The following PELI1 variants were observed in gnomAD, a reference collection of about 807,000 sequenced individuals.
The protein encoded by PELI1 is pellino E3 ubiquitin protein ligase 1.
Under a neutral mutation model 41.3 loss-of-function variants are expected in PELI1, and 15 were observed. The ratio of observed to expected loss-of-function variants is 0.36; its 90% CI spans 0.24 to 0.56. PELI1 has a LOEUF of 0.56. Ranked by LOEUF, PELI1 falls within the 20% of genes least tolerant of loss-of-function variation. The pLI is 0.82. For missense variants in PELI1, 403 were observed against 525.5 expected (o/e 0.77, Z 2.28); for synonymous variants, 178 against 180.1 (o/e 0.99, Z 0.09).
At chr2:64,119,878 CT>C (rs1681148104) in intron 1 of PELI1, among the ~76,000 whole-genome samples, 1 of 152,110 alleles carries the variant, frequency 6.6e-6, no homozygotes, top group East Asian at 1.9e-4. Context: ...AGTACTCAAT[CT>C]GTTAAGCAAC....
intron 1 of PELI1, among the ~76,000 whole-genome samples, chr2:64,137,839 G>A (rs553567040): frequency 5.9e-5 from 9 of 152,032 alleles, no homozygotes; most frequent in African/African-American, 1.7e-4. Context: ...CTATTTTCAC[G>A]TGTGGCTCTT....
Position 64,144,172 on chromosome 2 carries a change from G to C in PELI1, c.-161C>G, listed in dbSNP as rs1422577713. ...TGTGCGCGGGGAGCGCGAGCAGACA[G>C]CCCGCCGTTCCGCCGCTGCCCTCCG... is the stretch of plus-strand genomic sequence containing the variant. On this transcript the variant is annotated 5_prime_UTR_variant, in exon 1 of 7. Transcript: ENST00000358912. 1.3e-5 allele frequency: 2 copies of C among 152,192 alleles called. No homozygotes were observed. The highest frequency in any genetic ancestry group is 2.9e-5 in the Non-Finnish European group (2 of 68,066). 9.4% of individuals were successfully genotyped at this position (152,192 alleles called of 1,614,324 possible).
chr2:64,136,741 A>G (rs1681728678), intron 1 of PELI1, among the ~76,000 whole-genome samples: 1 of 152,160 alleles, frequency 6.6e-6, no homozygotes, highest in South Asian at 2.1e-4. Flanking sequence ...TGTCTCTACT[A>G]AAATACAAAC....
At chr2:64,114,135 A>G (rs190580844) in intron 1 of PELI1, among the ~76,000 whole-genome samples, 14 of 152,108 alleles carry the variant, frequency 9.2e-5, no homozygotes, top group African/African-American at 2.4e-4. Context: ...ATGTTATAAC[A>G]TTTTTTTATG....
intron 1 of PELI1, among the ~76,000 whole-genome samples, chr2:64,129,927 T>C (rs1681501062): frequency 6.6e-6 from 1 of 152,240 alleles, no homozygotes; most frequent in Admixed American, 6.5e-5. Flanking sequence ...TGCAAATCAC[T>C]GATTACCTCT....
intron 3 of PELI1, among the ~76,000 whole-genome samples, chr2:64,100,957 T>C (rs1373393110): frequency 3.9e-5 from 6 of 152,124 alleles, no homozygotes; most frequent in African/African-American, 1.4e-4. Flanking sequence ...CTTGAACTCC[T>C]GAGCTAAGGC....
chr2:64,126,725 G>A lies in PELI1; in HGVS notation c.-70+17356C>T, dbSNP rs75630715. ...CTTCAAAGAAAAGTGTTATTACTTAGGAGGAAGAGGAACAAGAGGAAGCTT... is the reference window on the plus strand; with the variant it reads ...CTTCAAAGAAAAGTGTTATTACTTAAGAGGAAGAGGAACAAGAGGAAGCTT... On this transcript the variant is annotated intron_variant, in intron 1 of 6. Coordinates refer to ENST00000358912, the MANE Select transcript of PELI1 (RefSeq NM_020651.4). Among the ~76,000 whole-genome samples the A allele has an allele frequency of 1.1e-3, 164 of 152,182 alleles. No homozygotes were observed. The Middle Eastern group carries it at 0.014, about 13-fold the overall frequency.
Position 64,097,230 on chromosome 2 carries a change from A to G in PELI1, c.304-620T>C, listed in dbSNP as rs531561555. Among the ~76,000 whole-genome samples, 9 of 152,312 alleles carry G rather than the reference A, an allele frequency of 5.9e-5. No individual in the cohort carries two copies. The East Asian group carries it at 1.5e-3, about 26-fold the overall frequency. Reference sequence around the variant, plus strand: ...CAGCTATCACTCCTTGTTTTTGGTCATGCTTGTTTCCAGCAACAAGCCCCT... The same window carrying G: ...CAGCTATCACTCCTTGTTTTTGGTCGTGCTTGTTTCCAGCAACAAGCCCCT... On this transcript the variant is annotated intron_variant, in intron 4 of 6. Transcript: ENST00000358912.
In PELI1 at chr2:64,095,262, T is replaced by C; in HGVS notation, c.697A>G (p.Ile233Val). 1.2e-6 allele frequency: 2 copies of C among 1,611,018 alleles called. No homozygotes were observed. Among genetic ancestry groups the C allele is most frequent in the South Asian group, 1.1e-5 (1 of 91,018 alleles). ...CCATCTTGTAACTGATTGGTTTCAATTTCCACCTAGAGGAGACAAGAGTTG... is the reference window on the plus strand; with the variant it reads ...CCATCTTGTAACTGATTGGTTTCAACTTCCACCTAGAGGAGACAAGAGTTG... ...SAQQRGKMVEIETNQLQDGSL... is the reference protein window; with the variant it reads ...SAQQRGKMVEVETNQLQDGSL... Residue 233 changes from isoleucine to valine, a missense_variant, in exon 7 of 7, where the codon ATT (isoleucine) becomes GTT (valine). Physicochemically the swap from Ile to Val is conservative, Grantham distance 29. Coordinates refer to ENST00000358912, the MANE Select transcript of PELI1 (RefSeq NM_020651.4).
At chr2:64,109,070 G>T (rs542914356) in intron 1 of PELI1, among the ~76,000 whole-genome samples, 8 of 152,296 alleles carry the variant, frequency 5.3e-5, no homozygotes, top group Admixed American at 2.6e-4. Flanking sequence ...GCCAACTAGG[G>T]AGCCAGGACT....
At chr2:64,114,093 A>G (rs577882394) in intron 1 of PELI1, among the ~76,000 whole-genome samples, 1 of 152,340 alleles carries the variant, frequency 6.6e-6, no homozygotes, top group South Asian at 2.1e-4. Flanking sequence ...TGGGGTACTG[A>G]GAAAAAAAGG....
At position 64,093,264 on chromosome 2, in the gene PELI1, C is replaced by T. The variant is rs902921170; in HGVS notation, c.*1438G>A. On this transcript the variant is annotated 3_prime_UTR_variant, in exon 7 of 7. Coordinates refer to ENST00000358912, the MANE Select transcript of PELI1 (RefSeq NM_020651.4). ...TGTAATAGGATAAATTAAAGGTATG[C>T]TACCACATATAAAACTTTGCTACAG... 6.6e-6 allele frequency: 1 copy of T among 152,554 alleles called. No homozygotes were observed. Among genetic ancestry groups the T allele is most frequent in the Admixed American group, 6.5e-5 (1 of 15,280 alleles). The allele number at this position is 152,554 out of a possible 1,614,324, so 9.5% of individuals were successfully genotyped here. A position where few individuals can be genotyped will look rare whatever the true frequency, so the allele number is the denominator to read the frequency against.
intron 1 of PELI1, among the ~76,000 whole-genome samples, chr2:64,112,434 A>AT (rs1680835677): frequency 2.6e-5 from 4 of 151,760 alleles, no homozygotes; most frequent in African/African-American, 9.7e-5. Context: ...GCAAAAGAAC[A>AT]ATTTTTTTGC....
chr2:64,099,266 A>G (rs1299372640), intron 4 of PELI1, among the ~76,000 whole-genome samples: 1 of 151,948 alleles, frequency 6.6e-6, no homozygotes, highest in African/African-American at 2.4e-5. Context: ...GCTGGCCTCA[A>G]GCTATCCTCC....
intron 6 of PELI1, among the ~76,000 whole-genome samples, 166 bp downstream of exon 6, chr2:64,095,957 TAA>T (rs1680219381): frequency 2.0e-5 from 3 of 152,314 alleles, no homozygotes; most frequent in Admixed American, 2.0e-4. Context: ...AACGAAATAT[TAA>T]AGAGACTGTC....
chr2:64,103,988 T>C (rs987447219), intron 3 of PELI1, among the ~76,000 whole-genome samples: 1 of 152,328 alleles, frequency 6.6e-6, no homozygotes, highest in East Asian at 1.9e-4. Context: ...AAATTCCCCC[T>C]CCTTGTCTGT....
intron 1 of PELI1, among the ~76,000 whole-genome samples, chr2:64,131,740 C>A (rs1681564187): frequency 6.6e-6 from 1 of 152,104 alleles, no homozygotes; most frequent in Admixed American, 6.5e-5. Context: ...CCTGCCTCGG[C>A]CTCAGGAGTA....
intron 2 of PELI1, among the ~76,000 whole-genome samples, chr2:64,107,433 G>A (rs1642929693): frequency 6.6e-6 from 1 of 152,174 alleles, no homozygotes; most frequent in African/African-American, 2.4e-5. Flanking sequence ...AAGTAGCTAG[G>A]TCCTGGGCTT....
intron 1 of PELI1, among the ~76,000 whole-genome samples, chr2:64,127,651 C>A (rs1242838310): frequency 6.6e-6 from 1 of 152,052 alleles, no homozygotes; most frequent in East Asian, 1.9e-4. Flanking sequence ...TTAACTTTTT[C>A]CCCAACCCTC....
Sources: gnomAD v4.1 joint callset for allele counts (sites outside exome capture counted in the v4.1 genomes callset) on GRCh38, gnomAD v4.1.1 for gene constraint, MANE v1.5 for transcripts, NCBI Gene and HGNC (gene_info 2026-07-23, HGNC 2026-07-21) for gene names.